The following SLMAP variants were observed in gnomAD, a reference collection of about 807,000 sequenced individuals.
The protein encoded by SLMAP is sarcolemma associated protein, also known as sarcolemmal membrane-associated protein.
Under a neutral mutation model 128.8 loss-of-function variants are expected in SLMAP, and 44 were observed. The ratio of observed to expected loss-of-function variants is 0.34; its 90% confidence interval spans 0.27 to 0.44. SLMAP has a LOEUF of 0.44. Ranked by LOEUF, SLMAP falls within the 20% of genes least tolerant of loss-of-function variation. SLMAP has a pLI of 1.00. For missense variants in SLMAP, 787 were observed against 985.3 expected, an observed-to-expected ratio of 0.80 and a Z score of 2.69; for synonymous variants, 327 against 348.8, an observed-to-expected ratio of 0.94 and a Z score of 0.70.
rs1027081333 is a variant in SLMAP, at chr3:57,817,192, G to C, written c.199-14191G>C. Among the ~76,000 whole-genome samples, 8 of 152,316 alleles carry C rather than the reference G, an allele frequency of 5.3e-5. No homozygotes were observed. In the East Asian group the frequency reaches 7.7e-4, roughly 15 times the overall value. ...ATTATCTTGGCAATGGTTAGGGTAA[G>C]AGGAACTGTAATCGGAAGGGAAAGG... On this transcript the variant is annotated intron_variant, in intron 2 of 24. Coordinates refer to ENST00000671191, the MANE Select transcript of SLMAP (RefSeq NM_001377540.1).
chr3:57,872,851 C>G (rs932092505), intron 14 of SLMAP, among the ~76,000 whole-genome samples: 1 of 152,168 alleles, frequency 6.6e-6, no homozygotes, highest in African/African-American at 2.4e-5. Flanking sequence ...CAAGCAAATA[C>G]TTTCTCAGGC....
At position 57,757,843 on chromosome 3, in the gene SLMAP, G is replaced by A. The variant is rs753251889; in HGVS notation, c.192G>A (p.Thr64=). Residue 64 remains threonine, a synonymous_variant, in exon 2 of 25, where the codon ACG becomes ACA. Coordinates refer to ENST00000671191, the MANE Select transcript of SLMAP (RefSeq NM_001377540.1). ...NHALVWFDHK[T]GKFYLQDTKS... Reference sequence around the variant, plus strand: ...CTCTCGTCTGGTTTGATCACAAGACGGGCAAGGTAATGTCACCACATTGTC... The same window carrying A: ...CTCTCGTCTGGTTTGATCACAAGACAGGCAAGGTAATGTCACCACATTGTC... The A allele has an allele frequency of 7.4e-6, 12 of 1,613,984 alleles. No individual in the cohort carries two copies. The South Asian group carries it at 1.3e-4, about 18-fold the overall frequency.
chr3:57,758,970 A>C (rs1194760045), intron 2 of SLMAP, among the ~76,000 whole-genome samples: 2 of 152,222 alleles, frequency 1.3e-5, no homozygotes, highest in Non-Finnish European at 2.9e-5. Context: ...GAAGAACTTA[A>C]GTCTTCAAGA....
At chr3:57,795,695 C>T (rs1357654370) in intron 2 of SLMAP, among the ~76,000 whole-genome samples, 1 of 151,810 alleles carries the variant, frequency 6.6e-6, no homozygotes, top group Non-Finnish European at 1.5e-5. Context: ...TAAAATGTAC[C>T]ATTTGTACAA....
chr3:57,809,438 T>G (rs1164897946), intron 2 of SLMAP, among the ~76,000 whole-genome samples: 1 of 152,210 alleles, frequency 6.6e-6, no homozygotes, highest in Non-Finnish European at 1.5e-5. Flanking sequence ...CAGCCCACTC[T>G]GGACTTTGGG....
intron 3 of SLMAP, among the ~76,000 whole-genome samples, chr3:57,839,642 C>T (rs555105177): frequency 1.3e-5 from 2 of 151,552 alleles, no homozygotes; most frequent in South Asian, 2.1e-4. Flanking sequence ...CTCACTCTGT[C>T]GCCCAGGCTG....
chr3:57,904,000 A>T (rs1045789086), intron 17 of SLMAP, among the ~76,000 whole-genome samples: 7 of 152,170 alleles, frequency 4.6e-5, no homozygotes, highest in African/African-American at 1.7e-4. Flanking sequence ...AACCATATAA[A>T]ATACAGTGAG....
chr3:57,869,253 C>T (rs1042737218), intron 13 of SLMAP, among the ~76,000 whole-genome samples: 1 of 150,770 alleles, frequency 6.6e-6, no homozygotes, highest in Non-Finnish European at 1.5e-5. Flanking sequence ...TCTCTTTTCA[C>T]ATTTTTCTGA....
intron 14 of SLMAP, among the ~76,000 whole-genome samples, chr3:57,879,880 G>A (rs1232047258): frequency 2.0e-5 from 3 of 151,782 alleles, no homozygotes; most frequent in African/African-American, 4.8e-5. Context: ...AAACTAGGAG[G>A]TGGAGGTTGC....
At chr3:57,828,971 T>TG (rs894779039) in intron 2 of SLMAP, among the ~76,000 whole-genome samples, 2 of 152,034 alleles carry the variant, frequency 1.3e-5, no homozygotes, top group African/African-American at 4.8e-5. Flanking sequence ...TTTGTAGGGA[T>TG]GGGGTCTCAC....
intron 2 of SLMAP, among the ~76,000 whole-genome samples, chr3:57,823,208 AATTT>A (rs2092663624): frequency 6.6e-6 from 1 of 151,972 alleles, no homozygotes; most frequent in East Asian, 1.9e-4. Context: ...TGATTTGGGT[AATTT>A]ATTTTTTTAT....
intron 2 of SLMAP, among the ~76,000 whole-genome samples, chr3:57,784,090 G>C (rs562871979): frequency 1.3e-5 from 2 of 152,286 alleles, no homozygotes; most frequent in African/African-American, 4.8e-5. Context: ...ATAGGCGGGG[G>C]GCCCAGACAG....
intron 22 of SLMAP, among the ~76,000 whole-genome samples, chr3:57,920,743 G>A (rs550928873): frequency 6.6e-5 from 10 of 151,972 alleles, no homozygotes; most frequent in South Asian, 6.2e-4. Context: ...GGCCGGGTGC[G>A]GTGGCTCACA....
intron 21 of SLMAP, among the ~76,000 whole-genome samples, chr3:57,914,886 AT>A (rs201557292): frequency 0.031 from 4,130 of 134,438 alleles, 162 homozygotes; most frequent in African/African-American, 0.098. Context: ...TCAACTCATA[AT>A]TTTTTTTTTT....
chr3:57,833,393 G>A (rs1394406657), intron 3 of SLMAP, among the ~76,000 whole-genome samples: 1 of 151,618 alleles, frequency 6.6e-6, no homozygotes, highest in Admixed American at 6.6e-5. Flanking sequence ...GAGATTCAAG[G>A]TTCCTCTTAG....
intron 14 of SLMAP, among the ~76,000 whole-genome samples, chr3:57,886,073 C>A (rs1288584602): frequency 6.7e-6 from 1 of 149,282 alleles, no homozygotes; most frequent in Admixed American, 6.7e-5. Flanking sequence ...TGAGCCAATG[C>A]GCCCAAGAAG....
At chr3:57,825,901 C>G (rs561633451) in intron 2 of SLMAP, among the ~76,000 whole-genome samples, 5 of 152,158 alleles carry the variant, frequency 3.3e-5, no homozygotes, top group African/African-American at 1.2e-4. Context: ...TCAGCGTTTA[C>G]TTGGGTGCTG....
At chr3:57,809,521 G>A (rs748912458) in intron 2 of SLMAP, among the ~76,000 whole-genome samples, 1 of 152,194 alleles carries the variant, frequency 6.6e-6, no homozygotes, top group Non-Finnish European at 1.5e-5. Context: ...GTACCCCTTG[G>A]CACCTACAGC....
intron 13 of SLMAP, among the ~76,000 whole-genome samples, chr3:57,870,039 G>A (rs2095444497): frequency 6.6e-6 from 1 of 151,970 alleles, no homozygotes; most frequent in African/African-American, 2.4e-5. Flanking sequence ...GTAGAGTTCA[G>A]ATAAAAGTGT....
Sources: allele counts gnomAD v4.1 joint callset (sites outside exome capture counted in the v4.1 genomes callset), GRCh38; gene constraint gnomAD v4.1.1; transcripts MANE v1.5; gene names NCBI Gene and HGNC (gene_info 2026-07-23, HGNC 2026-07-21).